DLC1: variants seen among roughly 807,000 people sequenced by gnomAD.
The protein encoded by DLC1 is rho GTPase-activating protein 7.
DLC1 carries 54 observed loss-of-function variants against 140.3 expected under a neutral mutation model. The observed-to-expected ratio is 0.38, with a 90% confidence interval of 0.31 to 0.48. The LOEUF (loss-of-function observed/expected upper bound fraction) is 0.48, where lower values mean the gene tolerates loss of function less well. Ranked by LOEUF, DLC1 falls within the 20% of genes least tolerant of loss-of-function variation. The pLI, the probability that DLC1 is intolerant of heterozygous loss-of-function variation, is 0.96. For missense variants in DLC1, 2,536 were observed against 1,907.0 expected, an observed-to-expected ratio of 1.33 and a Z score of -6.14; for synonymous variants, 986 against 728.1, an observed-to-expected ratio of 1.35 and a Z score of -5.70.
intron 5 of DLC1, among the ~76,000 whole-genome samples, chr8:13,281,747 C>T (rs1831373263): frequency 6.6e-6 from 1 of 152,114 alleles, no homozygotes; most frequent in Admixed American, 6.5e-5. Context: ...TGCAATAAAA[C>T]AAGAAGTGAA....
chr8:13,572,848 C>T (rs1804710112), intron 1 of DLC1, among the ~76,000 whole-genome samples: 1 of 152,028 alleles, frequency 6.6e-6, no homozygotes, highest in African/African-American at 2.4e-5. Context: ...TGTGTCTGTC[C>T]TTACTCCAGT....
At chr8:13,470,978 A>T (rs901328486) in intron 2 of DLC1, among the ~76,000 whole-genome samples, 1 of 152,156 alleles carries the variant, frequency 6.6e-6, no homozygotes, top group Non-Finnish European at 1.5e-5. Context: ...ATAGAAGGAA[A>T]TCCTGACATG....
Position 13,100,357 on chromosome 8 carries a change from G to C in DLC1, c.1980C>G (p.Ala660=), listed in dbSNP as rs143747008. ...TCAGCAGACTGCGCGTCTTGGACTTGGCAGTTTTTTCGTGGCCTTTCATGC... is the reference window on the plus strand; with the variant it reads ...TCAGCAGACTGCGCGTCTTGGACTTCGCAGTTTTTTCGTGGCCTTTCATGC... ...SFSMKGHEKT[A]KSKTRSLLKR... The change falls in exon 9 of 18, where the codon GCC becomes GCG. Residue 660 remains alanine, a synonymous_variant. Transcript: ENST00000276297. 9 of 1,614,168 alleles carry C rather than the reference G, an allele frequency of 5.6e-6. No homozygotes were observed. The highest frequency in any genetic ancestry group is 4.0e-5 in the African/African-American group (3 of 75,056).
At chr8:13,146,999 C>G (rs960506589) in intron 5 of DLC1, among the ~76,000 whole-genome samples, 3 of 152,116 alleles carry the variant, frequency 2.0e-5, no homozygotes, top group Non-Finnish European at 2.9e-5. Context: ...AAGACAAAAG[C>G]TTCTCTAAAC....
At chr8:13,566,786 GA>G in intron 1 of DLC1, 2 of 657,468 alleles carry the variant, frequency 3.0e-6, no homozygotes, top group Non-Finnish European at 4.8e-6. Context: ...GAGCGCGGAG[GA>G]AAAGGCGGGA....
chr8:13,221,616 C>T (rs1196479149), intron 5 of DLC1, among the ~76,000 whole-genome samples: 1 of 150,116 alleles, frequency 6.7e-6, no homozygotes, highest in Non-Finnish European at 1.5e-5. Context: ...AGTGATCTGC[C>T]CTCCTTGGCC....
intron 1 of DLC1, among the ~76,000 whole-genome samples, chr8:13,548,854 A>G (rs1364273291): frequency 6.6e-6 from 1 of 152,062 alleles, no homozygotes; most frequent in Non-Finnish European, 1.5e-5. Context: ...ATTTCTGACA[A>G]CAGAATTTCT....
chr8:13,226,924 G>C (rs1828817983), intron 5 of DLC1, among the ~76,000 whole-genome samples: 1 of 152,118 alleles, frequency 6.6e-6, no homozygotes, highest in African/African-American at 2.4e-5. Flanking sequence ...TTTGGGTATA[G>C]ACTATGCTGG....
chr8:13,378,925 C>T (rs1338571454), intron 4 of DLC1, among the ~76,000 whole-genome samples: 3 of 151,978 alleles, frequency 2.0e-5, no homozygotes, highest in African/African-American at 7.3e-5. Flanking sequence ...CAGAGATATG[C>T]TAGGAATCAG....
intron 4 of DLC1, among the ~76,000 whole-genome samples, chr8:13,346,273 G>C (rs954430089): frequency 6.6e-6 from 1 of 152,184 alleles, no homozygotes; most frequent in Admixed American, 6.5e-5. Flanking sequence ...TGTCAGAAGA[G>C]GCTTTCTCCA....
intron 5 of DLC1, among the ~76,000 whole-genome samples, chr8:13,173,745 A>G (rs925194822): frequency 2.0e-5 from 3 of 152,120 alleles, no homozygotes; most frequent in African/African-American, 7.2e-5. Context: ...TACATATAAA[A>G]CTACAGATTT....
intron 5 of DLC1, among the ~76,000 whole-genome samples, chr8:13,207,672 C>T (rs975390749): frequency 1.3e-5 from 2 of 152,052 alleles, no homozygotes; most frequent in African/African-American, 4.8e-5. Flanking sequence ...TAGTGGTTCT[C>T]AGTTGGAGTG....
At chr8:13,578,011 A>T (rs1435557391) in intron 1 of DLC1, among the ~76,000 whole-genome samples, 1 of 104,846 alleles carries the variant, frequency 9.5e-6, no homozygotes, top group Non-Finnish European at 2.1e-5. Context: ...TATAGAAATA[A>T]AAAAAAAAAA....
At chr8:13,407,741 C>G (rs1186712280) in intron 2 of DLC1, among the ~76,000 whole-genome samples, 1 of 152,154 alleles carries the variant, frequency 6.6e-6, no homozygotes, top group East Asian at 1.9e-4. Context: ...CCTATGCTGT[C>G]TTCAATTCCA....
At chr8:13,202,019 C>A (rs1376481688) in intron 5 of DLC1, among the ~76,000 whole-genome samples, 2 of 148,720 alleles carry the variant, frequency 1.3e-5, no homozygotes, top group African/African-American at 5.0e-5. Flanking sequence ...GATCTCGGCT[C>A]ACTGCAACCT....
intron 1 of DLC1, chr8:13,567,241 A>G: frequency 2.6e-6 from 4 of 1,551,684 alleles, no homozygotes; most frequent in Non-Finnish European, 3.5e-6. Context: ...AAAGAAGTTG[A>G]GTAAAAAATG....
At chr8:13,441,012 G>A (rs1298635702) in intron 2 of DLC1, among the ~76,000 whole-genome samples, 7 of 152,038 alleles carry the variant, frequency 4.6e-5, no homozygotes, top group African/African-American at 1.7e-4. Flanking sequence ...CTTTAATAAT[G>A]ATATGTGATT....
At chr8:13,557,843 G>A (rs1804102123) in intron 1 of DLC1, 1 of 152,116 alleles carries the variant, frequency 6.6e-6, no homozygotes, top group Non-Finnish European at 1.5e-5. Context: ...TAAGTTAAAT[G>A]CAATCTAGAG....
At chr8:13,537,361 G>T (rs10095775) in intron 1 of DLC1, among the ~76,000 whole-genome samples, 12,358 of 152,180 alleles carry the variant, frequency 0.081, 1,655 homozygotes, top group African/African-American at 0.28. Context: ...CTAACACATA[G>T]CGTATGACTC....
Sources: gnomAD v4.1 joint callset for allele counts (sites outside exome capture counted in the v4.1 genomes callset) on GRCh38, gnomAD v4.1.1 for gene constraint, MANE v1.5 for transcripts, NCBI Gene and HGNC (gene_info 2026-07-23, HGNC 2026-07-21) for gene names.